CHRM5: variants seen among roughly 807,000 people sequenced by gnomAD.
The protein encoded by CHRM5 is cholinergic receptor muscarinic 5.
CHRM5 carries 18 observed loss-of-function variants against 39.0 expected under a neutral mutation model. That is an observed-to-expected ratio of 0.46 (90% CI 0.32 to 0.68). The LOEUF (loss-of-function observed/expected upper bound fraction) is 0.68. CHRM5 is among the 30% of genes least tolerant of loss of function. CHRM5 has a pLI of 0.04. For synonymous variants in CHRM5, 241 were observed against 246.3 expected, an observed-to-expected ratio of 0.98 and a Z score of 0.20; for missense variants, 515 against 651.1, an observed-to-expected ratio of 0.79 and a Z score of 2.28.
intron 1 of CHRM5, among the ~76,000 whole-genome samples, chr15:34,037,686 C>G (rs77373323): frequency 0.01 from 1,577 of 151,778 alleles, 39 homozygotes; most frequent in African/African-American, 0.036. Flanking sequence ...GTTTTTATAT[C>G]TCATTCAAGT....
At chr15:34,018,620 C>G (rs770414897) in intron 1 of CHRM5, among the ~76,000 whole-genome samples, 2 of 152,154 alleles carry the variant, frequency 1.3e-5, no homozygotes, top group Non-Finnish European at 2.9e-5. Flanking sequence ...TGTGCAGCAG[C>G]AAGACTTATT....
intron 1 of CHRM5, among the ~76,000 whole-genome samples, chr15:34,011,988 A>T (rs1897657503): frequency 6.6e-6 from 1 of 152,218 alleles, no homozygotes; most frequent in African/African-American, 2.4e-5. Flanking sequence ...CCTTGTAGAA[A>T]GGAAGGGGGA....
intron 1 of CHRM5, chr15:34,038,699 C>G: frequency 9.1e-7 from 1 of 1,097,060 alleles, no homozygotes; most frequent in Non-Finnish European, 1.1e-6. Flanking sequence ...GGCACGCTCT[C>G]TTGCGGCTCT....
chr15:34,010,287 A>C (rs1450292428), intron 1 of CHRM5, among the ~76,000 whole-genome samples: 3 of 152,200 alleles, frequency 2.0e-5, no homozygotes, highest in South Asian at 2.1e-4. Flanking sequence ...ATATTTGGAC[A>C]ACCTTATTCA....
intron 1 of CHRM5, among the ~76,000 whole-genome samples, chr15:33,993,470 G>A (rs893174249): frequency 3.3e-5 from 5 of 152,144 alleles, no homozygotes; most frequent in East Asian, 1.9e-4. Context: ...GGCAATGCCC[G>A]TGTGGCACAA....
intron 2 of CHRM5, 28 bp from the exon 3 acceptor site, chr15:34,062,615 G>A (rs537330093): frequency 1.1e-5 from 11 of 1,000,588 alleles, no homozygotes; most frequent in South Asian, 9.8e-5. Flanking sequence ...GCTGGTGTGC[G>A]AAGCTAATGT....
intron 1 of CHRM5, among the ~76,000 whole-genome samples, chr15:33,988,931 C>G (rs1246179183): frequency 6.6e-6 from 1 of 152,186 alleles, no homozygotes; most frequent in Non-Finnish European, 1.5e-5. Context: ...TAATCTAAAT[C>G]CCCTGTATTT....
At chr15:33,974,576 G>A (rs951448532) in intron 1 of CHRM5, among the ~76,000 whole-genome samples, 3 of 152,270 alleles carry the variant, frequency 2.0e-5, no homozygotes, top group Admixed American at 6.5e-5. Flanking sequence ...TGTGTGTTGG[G>A]GTGGGGGCAG....
intron 1 of CHRM5, among the ~76,000 whole-genome samples, chr15:33,983,128 C>CTGTG (rs373285133): frequency 0.014 from 1,929 of 135,288 alleles, 23 homozygotes; most frequent in South Asian, 0.02. Context: ...TGTCCATACT[C>CTGTG]TGTGTGTGTG....
chr15:34,003,173 C>G (rs763859893), intron 1 of CHRM5: 3 of 1,613,756 alleles, frequency 1.9e-6, no homozygotes, highest in Non-Finnish European at 1.7e-6. Flanking sequence ...TCATCATTCT[C>G]TTCTCCATAG....
Position 34,063,652 on chromosome 15 carries a change from A to C in CHRM5, c.935A>C (p.Glu312Ala), listed in dbSNP as rs1900425425. ...TCSSYPSSED[E>A]DKPATDPVLQ... The stretch of plus-strand genomic sequence containing the variant: ...AGCAGCTACCCTTCCTCAGAGGATG[A>C]GGACAAGCCCGCCACTGACCCTGTC... Residue 312 changes from glutamate (E) to alanine (A), a missense_variant, in exon 3 of 3, where the codon GAG becomes GCG. By Grantham distance (107) the Glu-to-Ala change is moderately radical (BLOSUM62 -1). Coordinates refer to ENST00000383263, the MANE Select transcript of CHRM5 (RefSeq NM_012125.4). The surrounding 1 kb of genome is among the most constrained non-coding windows in gnomAD (Gnocchi z 4.1). The C allele has an allele frequency of 1.1e-5, 18 of 1,614,050 alleles. No homozygotes were observed. Among genetic ancestry groups the C allele is most frequent in the Non-Finnish European group, 1.4e-5 (17 of 1,180,036 alleles).
intron 1 of CHRM5, among the ~76,000 whole-genome samples, chr15:34,021,011 A>C (rs1026640804): frequency 6.6e-6 from 1 of 152,176 alleles, no homozygotes; most frequent in African/African-American, 2.4e-5. Context: ...TTCTGCATAT[A>C]CACTTTACCT....
chr15:33,982,798 TTCTC>T (rs58340239), intron 1 of CHRM5, among the ~76,000 whole-genome samples: 2 of 150,556 alleles, frequency 1.3e-5, no homozygotes, highest in African/African-American at 4.9e-5. Context: ...ATCAACCACA[TTCTC>T]TCTCTCTCTC....
At chr15:34,037,552 T>TA (rs1555519223) in intron 1 of CHRM5, among the ~76,000 whole-genome samples, 5 of 148,788 alleles carry the variant, frequency 3.4e-5, no homozygotes, top group Non-Finnish European at 7.4e-5. Flanking sequence ...TACATATATA[T>TA]TATATATATA....
chr15:34,042,969 C>T (rs1404216663), intron 1 of CHRM5, among the ~76,000 whole-genome samples: 1 of 151,886 alleles, frequency 6.6e-6, no homozygotes, highest in Admixed American at 6.6e-5. Context: ...ATGGATTGGC[C>T]AGGCGCGGTG....
intron 1 of CHRM5, chr15:34,038,859 CGAGCG>C: frequency 8.6e-7 from 1 of 1,157,140 alleles, no homozygotes; most frequent in African/African-American, 1.7e-5. Flanking sequence ...TCGGCCTCCG[CGAGCG>C]CCGCGGAAGC....
At chr15:34,057,193 G>T (rs768134628) in intron 2 of CHRM5, among the ~76,000 whole-genome samples, 9 of 150,084 alleles carry the variant, frequency 6.0e-5, no homozygotes, top group Admixed American at 1.3e-4. Flanking sequence ...GAGTGCAGTC[G>T]CATGATCTTG....
chr15:34,054,409 C>T (rs1567490765), intron 2 of CHRM5, among the ~76,000 whole-genome samples: 1 of 152,044 alleles, frequency 6.6e-6, no homozygotes, highest in Non-Finnish European at 1.5e-5. Context: ...TCCACAATAG[C>T]AAAGACATAG....
intron 1 of CHRM5, among the ~76,000 whole-genome samples, chr15:34,038,284 T>G (rs1899249278): frequency 1.3e-5 from 2 of 152,160 alleles, no homozygotes; most frequent in South Asian, 4.1e-4. Flanking sequence ...AACAAACTTT[T>G]TATTATGCGC....
Sources: allele counts gnomAD v4.1 joint callset (sites outside exome capture counted in the v4.1 genomes callset), GRCh38; gene constraint gnomAD v4.1.1; non-coding constraint Gnocchi (gnomAD v3.1); transcripts MANE v1.5; gene names NCBI Gene and HGNC (gene_info 2026-07-23, HGNC 2026-07-21).